BSN: variants seen among roughly 807,000 people sequenced by gnomAD.
The protein encoded by BSN is bassoon presynaptic cytomatrix protein, also known as protein bassoon.
Under a neutral mutation model 264.8 loss-of-function variants are expected in BSN, and 57 were observed. The observed-to-expected ratio is 0.22, with a 90% CI of 0.17 to 0.27. BSN has a LOEUF of 0.27. BSN is among the 10% of genes least tolerant of loss of function. The pLI is 1.00. For synonymous variants in BSN, 2,059 were observed against 2,137.3 expected (o/e 0.96, Z 1.01); for missense variants, 4,615 against 5,232.5 (o/e 0.88, Z 3.64).
intron 1 of BSN, among the ~76,000 whole-genome samples, chr3:49,584,174 C>G (rs1225802165): frequency 6.6e-6 from 1 of 152,096 alleles, no homozygotes; most frequent in Non-Finnish European, 1.5e-5. Flanking sequence ...CGTGAGCCAC[C>G]ACGCCCGGCC....
In BSN at chr3:49,638,178, C is replaced by T. The variant is rs761152461; in HGVS notation, c.634-4090C>T. Reference sequence around the variant, plus strand: ...CAGCTTGGAGAGGGCCTAGGAGCCACAGGGAGCCTTCTGGGTTCAACCTCT... The same window carrying T: ...CAGCTTGGAGAGGGCCTAGGAGCCATAGGGAGCCTTCTGGGTTCAACCTCT... On this transcript the variant is annotated intron_variant, in intron 2 of 11. Transcript: ENST00000296452. The surrounding 1 kb of genome is among the most constrained non-coding windows in gnomAD (Gnocchi z 4.3). Among the ~76,000 whole-genome samples, 13 of 152,214 alleles carry T rather than the reference C, an allele frequency of 8.5e-5. No individual in the cohort carries two copies. The highest frequency in any genetic ancestry group is 1.3e-4 in the Non-Finnish European group (9 of 68,026).
intron 1 of BSN, among the ~76,000 whole-genome samples, chr3:49,594,209 A>C (rs1426366840): frequency 2.0e-5 from 3 of 152,192 alleles, no homozygotes; most frequent in Non-Finnish European, 4.4e-5. Flanking sequence ...TTTAAATTTG[A>C]TGAGATCTAA....
chr3:49,602,914 C>G (rs1433564142), intron 1 of BSN, among the ~76,000 whole-genome samples: 1 of 152,232 alleles, frequency 6.6e-6, no homozygotes, highest in Non-Finnish European at 1.5e-5. Context: ...TTCTTCAGAT[C>G]ACGCTCATGG....
At position 49,669,420 on chromosome 3, in the gene BSN, C is replaced by G. The variant is rs1319607619; in HGVS notation, c.*1935C>G. On this transcript the variant is annotated 3_prime_UTR_variant, in exon 12 of 12. Transcript: ENST00000296452. Reference sequence around the variant, plus strand: ...GATATCTGTCTGTCTGTCATTTTCCCTTCCTACCCCAACCCTGAGCCAGAG... The same window carrying G: ...GATATCTGTCTGTCTGTCATTTTCCGTTCCTACCCCAACCCTGAGCCAGAG... The G allele has an allele frequency of 6.5e-6, 1 of 152,740 alleles. No homozygotes were observed. Among genetic ancestry groups the G allele is most frequent in the African/African-American group, 2.4e-5 (1 of 41,454 alleles). 9.5% of individuals were successfully genotyped at this position (152,740 alleles called of 1,614,324 possible).
At chr3:49,606,446 T>C (rs756179269) in intron 1 of BSN, among the ~76,000 whole-genome samples, 2 of 149,366 alleles carry the variant, frequency 1.3e-5, no homozygotes, top group South Asian at 4.2e-4. Context: ...CCTATCATAC[T>C]CTGAATGAAT....
intron 2 of BSN, among the ~76,000 whole-genome samples, chr3:49,628,392 C>T (rs908235008): frequency 2.6e-5 from 4 of 152,204 alleles, no homozygotes; most frequent in African/African-American, 9.6e-5. Flanking sequence ...AGAGTTATTA[C>T]TTTAGCTGAG....
At position 49,657,076 on chromosome 3, in the gene BSN, A is replaced by T. The variant is rs747503341; in HGVS notation, c.7520A>T (p.His2507Leu). Residue 2507 changes from histidine (H) to leucine (L), a missense_variant, in exon 5 of 12, where the codon CAT (histidine) becomes CTT (leucine). By Grantham distance (99) the His-to-Leu change is moderately conservative. Coordinates refer to ENST00000296452, the MANE Select transcript of BSN (RefSeq NM_003458.4). The stretch of plus-strand genomic sequence containing the variant: ...GGCCAGTATTGGCCCCCCCTTACAC[A>T]TGCAGCCTTCATTGCCATGGCAGGG... ...QNGQYWPPLT[H>L]AAFIAMAGPE... 1.2e-6 allele frequency: 2 copies of T among 1,609,744 alleles called. No individual in the cohort carries two copies. Among genetic ancestry groups the T allele is most frequent in the Admixed American group, 1.7e-5 (1 of 59,918 alleles).
intron 1 of BSN, among the ~76,000 whole-genome samples, chr3:49,565,836 T>C (rs1265280991): frequency 1.3e-5 from 2 of 152,224 alleles, no homozygotes; most frequent in Admixed American, 1.3e-4. Flanking sequence ...ATGTATTTTT[T>C]TTTGAGACGG....
In BSN at chr3:49,555,427, T is replaced by A. The variant is rs146575901; in HGVS notation, c.224+601T>A. ...GCCCAACAATACTAATAGGATCATG[T>A]GCTTTCACCAAGGTTTAGGGAAACA... On this transcript the variant is annotated intron_variant, in intron 1 of 11. Coordinates refer to ENST00000296452, the MANE Select transcript of BSN (RefSeq NM_003458.4). Among the ~76,000 whole-genome samples, 1,406 of 152,334 alleles carry A rather than the reference T, an allele frequency of 9.2e-3. 27 individuals carry two copies. The highest frequency in any genetic ancestry group is 0.031 in the African/African-American group (1,285 of 41,574).
chr3:49,664,714 G>T, intron 9 of BSN, 85 bp from the exon 10 acceptor site: 2 of 1,585,000 alleles, frequency 1.3e-6, no homozygotes, highest in Non-Finnish European at 8.6e-7. Context: ...CTTGGGCTGA[G>T]CTTGCCTTCA....
chr3:49,623,405 T>C (rs1181466207), intron 1 of BSN, among the ~76,000 whole-genome samples: 1 of 152,258 alleles, frequency 6.6e-6, no homozygotes, highest in Non-Finnish European at 1.5e-5. Flanking sequence ...GCTCATCCTC[T>C]TTCAAACTGG....
intron 1 of BSN, among the ~76,000 whole-genome samples, chr3:49,591,083 GA>G (rs1304833835): frequency 4.0e-5 from 6 of 150,646 alleles, no homozygotes; most frequent in Non-Finnish European, 8.9e-5. Flanking sequence ...AAAAAAAAAA[GA>G]AAAAAAGAAG....
rs200043406 is a variant in BSN, at chr3:49,653,254, C to T, written c.3698C>T (p.Thr1233Ile). The change falls in exon 5 of 12, where the codon ACA (threonine) becomes ATA (isoleucine). Residue 1233 changes from threonine to isoleucine, a missense_variant. Transcript: ENST00000296452. The surrounding 1 kb of genome is among the most constrained non-coding windows in gnomAD (Gnocchi z 6.3). ...GGCTCCTTCGAATATCAAGACACTACAGACCGTGAGTATGGCCAGGCTGCT... is the reference window on the plus strand; with the variant it reads ...GGCTCCTTCGAATATCAAGACACTATAGACCGTGAGTATGGCCAGGCTGCT... ...GLGSFEYQDT[T>I]DREYGQAAQP... is the part of the protein sequence containing the mutation. The T allele has an allele frequency of 5.5e-5, 89 of 1,612,902 alleles. 1 individual carries two copies. The East Asian group carries it at 1.1e-3, about 20-fold the overall frequency.
intron 1 of BSN, among the ~76,000 whole-genome samples, chr3:49,595,036 G>A (rs892050915): frequency 3.3e-5 from 5 of 150,856 alleles, no homozygotes; most frequent in East Asian, 2.0e-4. Context: ...GACCACAGGC[G>A]TGCACCATCA....
intron 1 of BSN, among the ~76,000 whole-genome samples, chr3:49,620,282 G>A (rs1360840705): frequency 6.6e-6 from 1 of 152,008 alleles, no homozygotes; most frequent in African/African-American, 2.4e-5. Context: ...AAAATCAGCT[G>A]GGCATGGTGG....
At chr3:49,616,526 C>G (rs2052260298) in intron 1 of BSN, among the ~76,000 whole-genome samples, 1 of 152,234 alleles carries the variant, frequency 6.6e-6, no homozygotes, top group Non-Finnish European at 1.5e-5. Context: ...TCCTGGTGAG[C>G]AAAGACAGCC....
rs1365851546 is a variant in BSN, at chr3:49,660,307, C to T, written c.8641-179C>T. ...ATAATCACAGATCTTCCCTCTATGG[C>T]AAAGAAACCAAGGCCTATGGGTGGG... On this transcript the variant is annotated intron_variant, in intron 5 of 11. Coordinates refer to ENST00000296452, the MANE Select transcript of BSN (RefSeq NM_003458.4). The surrounding 1 kb of genome is among the most constrained non-coding windows in gnomAD (Gnocchi z 7.1). Among the ~76,000 whole-genome samples, 1 of 152,044 alleles carries T rather than the reference C, an allele frequency of 6.6e-6. No individual in the cohort carries two copies. The highest frequency in any genetic ancestry group is 6.5e-5 in the Admixed American group (1 of 15,274).
At position 49,642,191 on chromosome 3, in the gene BSN, G is replaced by A. The variant is rs2052468767; in HGVS notation, c.634-77G>A. Reference sequence around the variant, plus strand: ...TGTGCTAGGAGTGGCCTTGGCTGCTGTGGGGCCTGCACTGACCTGGGCCAT... The same window carrying A: ...TGTGCTAGGAGTGGCCTTGGCTGCTATGGGGCCTGCACTGACCTGGGCCAT... On this transcript the variant is annotated intron_variant, in intron 2 of 11. Coordinates refer to ENST00000296452, the MANE Select transcript of BSN (RefSeq NM_003458.4). The surrounding 1 kb of genome is among the most constrained non-coding windows in gnomAD (Gnocchi z 7.0). 2.5e-6 allele frequency: 3 copies of A among 1,220,938 alleles called. No homozygotes were observed. The highest frequency in any genetic ancestry group is 3.5e-5 in the Admixed American group (1 of 28,802). The allele number at this position is 1,220,938 out of a possible 1,614,324, so 75.6% of individuals were successfully genotyped here.
In BSN at chr3:49,652,522, G is replaced by A. The variant is rs765304959; in HGVS notation, c.2966G>A (p.Ser989Asn). Residue 989 changes from serine (S) to asparagine (N), a missense_variant, in exon 5 of 12, where the codon AGC (serine) becomes AAC (asparagine). This residue lies in a region of BSN where 1,197 missense variants were observed against 1,348.0 expected (regional missense o/e 0.89). Coordinates refer to ENST00000296452, the MANE Select transcript of BSN (RefSeq NM_003458.4). ...HSSTLPASTP[S>N]YTSGTSPTSL... is the part of the protein sequence containing the mutation. ...TCTACATTGCCTGCCTCCACACCCAGCTACACCTCGGGCACCTCTCCCACC... is the reference window on the plus strand; with the variant it reads ...TCTACATTGCCTGCCTCCACACCCAACTACACCTCGGGCACCTCTCCCACC... 9 of 1,613,646 alleles carry A rather than the reference G, an allele frequency of 5.6e-6. No homozygotes were observed. The highest frequency in any genetic ancestry group is 5.9e-6 in the Non-Finnish European group (7 of 1,179,974).
Sources: gnomAD v4.1 joint callset for allele counts (sites outside exome capture counted in the v4.1 genomes callset) on GRCh38, gnomAD v4.1.1 for gene constraint, gnomAD v4.1.1 regional missense constraint, Gnocchi (gnomAD v3.1) non-coding constraint, MANE v1.5 for transcripts, NCBI Gene and HGNC (gene_info 2026-07-23, HGNC 2026-07-21) for gene names.